The following ARHGAP8 variants were observed in gnomAD, a reference collection of about 807,000 sequenced individuals.
The protein encoded by ARHGAP8 is Rho GTPase activating protein 8, also known as rho GTPase-activating protein 8.
A neutral mutation model predicts 46.1 loss-of-function variants in ARHGAP8; 62 were observed. The ratio of observed to expected loss-of-function variants is 1.34; its 90% CI spans 1.10 to 1.66. The LOEUF is 1.66. Ranked by LOEUF, ARHGAP8 falls within the 40% of genes most tolerant of loss-of-function variation. ARHGAP8 has a pLI of 0.00. For missense variants in ARHGAP8, 923 were observed against 568.4 expected (o/e 1.62, Z -6.34); for synonymous variants, 375 against 243.1 (o/e 1.54, Z -5.05).
chr22:44,814,536 G>T, intron 4 of ARHGAP8, 136 bp from the exon 5 acceptor site: 1 of 716,058 alleles, frequency 1.4e-6, no homozygotes, highest in Non-Finnish European at 2.3e-6. Context: ...TTCTTTGTTT[G>T]ATGTCCTTAA....
intron 2 of ARHGAP8, among the ~76,000 whole-genome samples, chr22:44,799,430 G>C (rs1313695631): frequency 1.3e-5 from 2 of 152,204 alleles, no homozygotes; most frequent in East Asian, 1.9e-4. Flanking sequence ...GGGGTTTAGT[G>C]GGAAGGGGTG....
chr22:44,861,580 A>G (rs907604728), intron 11 of ARHGAP8, among the ~76,000 whole-genome samples: 6 of 151,904 alleles, frequency 3.9e-5, no homozygotes, highest in African/African-American at 9.7e-5. Context: ...CCTGGTACTC[A>G]CCGCCTCATG....
chr22:44,755,293 G>A (rs1924579911), intron 1 of ARHGAP8, among the ~76,000 whole-genome samples: 1 of 152,238 alleles, frequency 6.6e-6, no homozygotes, highest in African/African-American at 2.4e-5. Flanking sequence ...GGGCACTGAG[G>A]TGTGCCTCCC....
intron 8 of ARHGAP8, among the ~76,000 whole-genome samples, chr22:44,846,811 C>A (rs1569177422): frequency 6.6e-6 from 1 of 152,068 alleles, no homozygotes; most frequent in African/African-American, 2.4e-5. Context: ...AGCTATTCCA[C>A]CGAGAGCTGC....
intron 9 of ARHGAP8, 148 bp downstream of exon 9, chr22:44,848,198 G>T: frequency 9.0e-7 from 1 of 1,108,048 alleles, no homozygotes; most frequent in Non-Finnish European, 1.3e-6. Flanking sequence ...TTCCCAGGAG[G>T]CATCGAGGGG....
At chr22:44,765,304 G>GATTGCC (rs1925470092) in intron 1 of ARHGAP8, 1 of 152,454 alleles carries the variant, frequency 6.6e-6, no homozygotes, top group Non-Finnish European at 1.5e-5. Context: ...CATACCTCAG[G>GATTGCC]AGGTGCCCCT....
intron 1 of ARHGAP8, among the ~76,000 whole-genome samples, chr22:44,771,693 TA>T (rs1356518586): frequency 2.0e-5 from 3 of 151,770 alleles, no homozygotes; most frequent in Non-Finnish European, 4.4e-5. Context: ...TAGCTGGGAT[TA>T]CAGGCACCTG....
At chr22:44,778,951 CA>C (rs2147030715) in intron 1 of ARHGAP8, among the ~76,000 whole-genome samples, 1 of 16,982 alleles carries the variant, frequency 5.9e-5, no homozygotes, top group East Asian at 7.6e-4. Context: ...TTCTTTCACC[CA>C]TAATGAGTGA....
chr22:44,838,140 A>ATTT lies in ARHGAP8; in HGVS notation c.597-7117_597-7115dup, dbSNP rs61131873. On this transcript the variant is annotated intron_variant, in intron 7 of 11. Coordinates refer to ENST00000356099, the MANE Select transcript of ARHGAP8 (RefSeq NM_181335.3). ...AGGAGTGCGCCACCATGCCTGGCTA[A>ATTT]TTTTTTTTTTTTTTGAAGACGGAGT... is the stretch of plus-strand genomic sequence containing the variant. Among the ~76,000 whole-genome samples, 608 of 143,526 alleles carry ATTT rather than the reference A, an allele frequency of 4.2e-3. 8 individuals carry two copies. The highest frequency in any genetic ancestry group is 0.015 in the African/African-American group (574 of 38,716). The allele number at this position is 143,526 out of a possible 152,430, so 94.2% of individuals were successfully genotyped here. A position where few individuals can be genotyped will look rare whatever the true frequency, so the allele number is the denominator to read the frequency against.
At chr22:44,855,821 CTG>C (rs924159787) in intron 10 of ARHGAP8, among the ~76,000 whole-genome samples, 14 of 152,162 alleles carry the variant, frequency 9.2e-5, no homozygotes, top group African/African-American at 3.1e-4. Flanking sequence ...GTCGCCGAGT[CTG>C]TGTTGCTATG....
At chr22:44,843,817 C>T (rs907831923) in intron 7 of ARHGAP8, among the ~76,000 whole-genome samples, 1 of 121,462 alleles carries the variant, frequency 8.2e-6, no homozygotes, top group African/African-American at 3.6e-5. Flanking sequence ...AGGGTAAGAC[C>T]TTGTCTCAAA....
chr22:44,856,254 CTTTTTTTTTTTTTTTTTTTTTTT>C (rs557242169), intron 10 of ARHGAP8, among the ~76,000 whole-genome samples: 6 of 86,882 alleles, frequency 6.9e-5, no homozygotes, highest in African/African-American at 2.9e-4. Flanking sequence ...TATAAATTCC[CTTTTTTTTTTTTTTTTTTTTTTT>C]TTTTTTTTTT....
chr22:44,814,191 G>A (rs1183831481), intron 4 of ARHGAP8, among the ~76,000 whole-genome samples: 1 of 152,214 alleles, frequency 6.6e-6, no homozygotes, highest in Non-Finnish European at 1.5e-5. Flanking sequence ...CCAATGTGTG[G>A]GTGGCTGTAT....
At chr22:44,812,425 T>A (rs1337165772) in intron 4 of ARHGAP8, among the ~76,000 whole-genome samples, 2 of 150,966 alleles carry the variant, frequency 1.3e-5, no homozygotes, top group South Asian at 4.2e-4. Context: ...GGCGCGATCT[T>A]GGCTCACGGC....
At chr22:44,858,022 A>G (rs2070283967) in intron 10 of ARHGAP8, among the ~76,000 whole-genome samples, 1 of 152,224 alleles carries the variant, frequency 6.6e-6, no homozygotes, top group Admixed American at 6.5e-5. Flanking sequence ...ACACCCAGAG[A>G]AGGAAATGGC....
chr22:44,762,684 C>T (rs1925231149), intron 1 of ARHGAP8, among the ~76,000 whole-genome samples: 1 of 151,806 alleles, frequency 6.6e-6, no homozygotes, highest in Non-Finnish European at 1.5e-5. Context: ...GCTGGGATTA[C>T]AGGCGCCCAC....
At position 44,862,770 on chromosome 22, in the gene ARHGAP8, A is replaced by T. The variant is rs6519899; in HGVS notation, c.*175A>T. 5 of 763,002 alleles carry T rather than the reference A, an allele frequency of 6.6e-6. No homozygotes were observed. Among genetic ancestry groups the T allele is most frequent in the Non-Finnish European group, 5.9e-6 (3 of 504,948 alleles). 47.3% of individuals were successfully genotyped at this position (763,002 alleles called of 1,614,324 possible). On this transcript the variant is annotated 3_prime_UTR_variant, in exon 12 of 12. Coordinates refer to ENST00000356099, the MANE Select transcript of ARHGAP8 (RefSeq NM_181335.3). ...CTTGTCCATGGTTCCTGAGCTGTGG[A>T]CCGGGATAGAATAATGCATTTGTTA...
chr22:44,824,069 C>T (rs887872334), intron 6 of ARHGAP8, among the ~76,000 whole-genome samples: 1 of 152,152 alleles, frequency 6.6e-6, no homozygotes, highest in Non-Finnish European at 1.5e-5. Context: ...TGGATTTTCT[C>T]CACCCCCACA....
At chr22:44,786,009 C>T (rs1927191231) in intron 1 of ARHGAP8, 1 of 164,976 alleles carries the variant, frequency 6.1e-6, no homozygotes, top group Non-Finnish European at 1.3e-5. Flanking sequence ...TTAGTTGCCA[C>T]CCCTGTCAAT....
Sources: allele counts gnomAD v4.1 joint callset (sites outside exome capture counted in the v4.1 genomes callset), GRCh38; gene constraint gnomAD v4.1.1; transcripts MANE v1.5; gene names NCBI Gene and HGNC (gene_info 2026-07-23, HGNC 2026-07-21).